TBX6: variants seen among roughly 807,000 people sequenced by gnomAD.
TBX6 encodes the protein T-box transcription factor TBX6.
A neutral mutation model predicts 42.3 loss-of-function variants in TBX6; 29 were observed. That is an observed-to-expected ratio of 0.69 (90% CI 0.51 to 0.93). The LOEUF (loss-of-function observed/expected upper bound fraction) is 0.93, where lower values mean the gene tolerates loss of function less well. Among genes scored for constraint, TBX6 ranks in the 40% least tolerant of loss-of-function variants. The probability of loss-of-function intolerance (pLI) is 0.00; values close to 1 mark genes in which losing one functional copy is unlikely to be tolerated. For synonymous variants in TBX6, 249 were observed against 245.1 expected (o/e 1.02, Z -0.15); for missense variants, 569 against 603.3 (o/e 0.94, Z 0.59).
chr16:30,088,554 T>C lies in TBX6; in HGVS notation c.830A>G (p.Asn277Ser), dbSNP rs760920686. ...FAKGFRENGR[N>S]CKRERDARVK... ...AATGAACAACTCCCACCTCTTACAG[T>C]TTCTGCCGTTCTCCCGGAAGCCTTT... The change falls in exon 6 of 9, where the codon AAC becomes AGC. Residue 277 changes from asparagine (N) to serine (S), a missense_variant. Physicochemically the swap from Asn to Ser is conservative, Grantham distance 46. Transcript: ENST00000395224. This position sits in a 1 kb window ranked among gnomAD's most constrained non-coding sequence, Gnocchi z 4.1. 1.2e-6 allele frequency: 2 copies of C among 1,614,200 alleles called. No individual in the cohort carries two copies. Among genetic ancestry groups the C allele is most frequent in the Non-Finnish European group, 8.5e-7 (1 of 1,180,036 alleles).
At position 30,088,827 on chromosome 16, in the gene TBX6, A is replaced by C. The variant is rs1290566254; in HGVS notation, c.634T>G (p.Ser212Ala). The change falls in exon 5 of 9, where the codon TCC (serine) becomes GCC (alanine). Residue 212 changes from serine to alanine, a missense_variant. By Grantham distance (99) the Ser-to-Ala change is moderately conservative. Around this residue, in one of 3 missense-constraint regions of TBX6, gnomAD observed 190 missense variants for 250.6 expected, o/e 0.76. Transcript: ENST00000395224. The surrounding 1 kb of genome is among the most constrained non-coding windows in gnomAD (Gnocchi z 4.1). ...LDPHGHLILH[S>A]MHKYQPRIHL... ...ATGCGGGGTTGGTACTTGTGCATGG[A>C]GTGCAGGATCAGCTGGGAGGGAGGA... 1 of 1,613,966 alleles carries C rather than the reference A, an allele frequency of 6.2e-7. No homozygotes were observed. Among genetic ancestry groups the C allele is most frequent in the Non-Finnish European group, 8.5e-7 (1 of 1,179,896 alleles).
Position 30,091,094 on chromosome 16 carries a change from C to A in TBX6, c.100G>T (p.Glu34Ter). The A allele has an allele frequency of 6.3e-7, 1 of 1,584,022 alleles. No individual in the cohort carries two copies. The highest frequency in any genetic ancestry group is 8.6e-7 in the Non-Finnish European group (1 of 1,165,816). ...ADSSFPPALA[E>*]GYRYPELDTP... The stretch of plus-strand genomic sequence containing the variant: ...CGCTCACCGGGGTAGCGGTAGCCCT[C>A]CGCTAGGGCGGGTGGGAAGCTGGAG... Residue 34 changes from glutamate to a stop codon, truncating the protein, a stop_gained, in exon 2 of 9, where the codon GAG (glutamate) becomes TAG (stop). Transcript: ENST00000395224. LOFTEE classifies it high-confidence loss of function.
At chr16:30,091,556 C>A in intron 1 of TBX6, 1 of 208,738 alleles carries the variant, frequency 4.8e-6, no homozygotes, top group Non-Finnish European at 9.8e-6. Context: ...GGTGGGGAGC[C>A]CCGGCTAGGG....
chr16:30,086,259 C>T lies in TBX6; in HGVS notation c.1277G>A (p.Gly426Asp), dbSNP rs764233509. Residue 426 changes from glycine (G) to aspartate (D), a missense_variant, in exon 9 of 9, where the codon GGC (glycine) becomes GAC (aspartate). Transcript: ENST00000395224. The surrounding 1 kb of genome is among the most constrained non-coding windows in gnomAD (Gnocchi z 4.6). Reference protein sequence around the residue: ...PFPLPYTAPGGYLDVGSKPMY With the variant: ...PFPLPYTAPGDYLDVGSKPMY ...GGGTTTGGAGCCCACATCCAGATAG[C>T]CCCCAGGCGCGGTGTATGGTAGAGG... 6.2e-7 allele frequency: 1 copy of T among 1,611,864 alleles called. No homozygotes were observed. Among genetic ancestry groups the T allele is most frequent in the South Asian group, 1.1e-5 (1 of 90,962 alleles).
At position 30,086,870 on chromosome 16, in the gene TBX6, GAT is replaced by G; in HGVS notation, c.840-21_840-20del. On this transcript the variant is annotated intron_variant, in intron 6 of 8. Transcript: ENST00000395224. The surrounding 1 kb of genome is among the most constrained non-coding windows in gnomAD (Gnocchi z 4.6). ...TCGCTCCCTGGGGAACAGTGGTGGT[GAT>G]GATGATGATGATGGTGATGGCCATG... 2.6e-5 allele frequency: 16 copies of G among 612,592 alleles called. No individual in the cohort carries two copies. Among genetic ancestry groups the G allele is most frequent in the East Asian group, 1.0e-4 (2 of 19,634 alleles). 37.9% of individuals were successfully genotyped at this position (612,592 alleles called of 1,614,324 possible).
Position 30,086,337 on chromosome 16 carries a change from G to T in TBX6, c.1199C>A (p.Ala400Glu), listed in dbSNP as rs753380518. 3.7e-6 allele frequency: 6 copies of T among 1,603,768 alleles called. No homozygotes were observed. The highest frequency in any genetic ancestry group is 5.1e-6 in the Non-Finnish European group (6 of 1,176,972). Residue 400 changes from alanine (A) to glutamate (E), a missense_variant, in exon 9 of 9, where the codon GCG becomes GAG. Physicochemically the swap from Ala to Glu is moderately radical, Grantham distance 107. Around this residue, in one of 3 missense-constraint regions of TBX6, gnomAD observed 245 missense variants for 227.4 expected, o/e 1.08. Transcript: ENST00000395224. This position sits in a 1 kb window ranked among gnomAD's most constrained non-coding sequence, Gnocchi z 4.6. ...PHGSGGSGYP[A>E]APPAVPFAPH... The stretch of plus-strand genomic sequence containing the variant: ...GGCAAAGGGTACCGCCGGTGGAGCC[G>T]CTGGGTACCCGGAGCCCCCTGACCC...
chr16:30,087,104 C>T (rs1393964447), intron 6 of TBX6, among the ~76,000 whole-genome samples: 1 of 152,208 alleles, frequency 6.6e-6, no homozygotes, highest in Non-Finnish European at 1.5e-5. Context: ...GAAACTCCTT[C>T]CCAGTGGCAA....
At position 30,086,176 on chromosome 16, in the gene TBX6, G is replaced by A. The variant is rs1234085987; in HGVS notation, c.*49C>T. 4 of 1,591,712 alleles carry A rather than the reference G, an allele frequency of 2.5e-6. No individual in the cohort carries two copies. Among genetic ancestry groups the A allele is most frequent in the African/African-American group, 2.7e-5 (2 of 73,754 alleles). On this transcript the variant is annotated 3_prime_UTR_variant, in exon 9 of 9. Transcript: ENST00000395224. The surrounding 1 kb of genome is among the most constrained non-coding windows in gnomAD (Gnocchi z 4.6). The stretch of plus-strand genomic sequence containing the variant: ...GAGGTGAGGGGGCTCCAGGGCTGGG[G>A]GAAGGGAGCGGGAGGTTTGTGATGG...
In TBX6 at chr16:30,086,276, T is replaced by C. The variant is rs544830919; in HGVS notation, c.1260A>G (p.Pro420=). ...CCAGATAGCCCCCAGGCGCGGTGTA[T>C]GGTAGAGGGAAGGGGCCCCCTTGGA... The part of the protein sequence containing the change: ...HFLQGGPFPL[P]YTAPGGYLDV... Residue 420 remains proline, a synonymous_variant, in exon 9 of 9, where the codon CCA becomes CCG. Coordinates refer to ENST00000395224, the MANE Select transcript of TBX6 (RefSeq NM_004608.4). This position sits in a 1 kb window ranked among gnomAD's most constrained non-coding sequence, Gnocchi z 4.6. The C allele has an allele frequency of 2.5e-6, 4 of 1,611,788 alleles. No homozygotes were observed. The South Asian group carries it at 3.3e-5, about 13-fold the overall frequency.
rs1596852783 is a variant in TBX6, at chr16:30,089,055, T to G, written c.509A>C (p.Asp170Ala). The G allele has an allele frequency of 6.2e-7, 1 of 1,613,836 alleles. No individual in the cohort carries two copies. Among genetic ancestry groups the G allele is most frequent in the Non-Finnish European group, 8.5e-7 (1 of 1,179,982 alleles). The change falls in exon 4 of 9, where the codon GAC becomes GCC. Residue 170 changes from aspartate (D) to alanine (A), a missense_variant. Physicochemically the swap from Asp to Ala is moderately radical, Grantham distance 126 (BLOSUM62 -2). Coordinates refer to ENST00000395224, the MANE Select transcript of TBX6 (RefSeq NM_004608.4). ...AGAGTCGGGGTGAATGTAGACACGG[T>G]CAGGCAGGCGGGGCTCTGCCTTGCC... ...PSGKAEPRLP[D>A]RVYIHPDSPA... is the part of the protein sequence containing the mutation.
At chr16:30,090,611 T>A (rs2072706065) in intron 3 of TBX6, 147 bp downstream of exon 3, 1 of 783,676 alleles carries the variant, frequency 1.3e-6, no homozygotes, top group African/African-American at 1.8e-5. Flanking sequence ...TGCCACAGAG[T>A]AACCCTTGCC....
rs2151032604 is a variant in TBX6 at position 30,088,860 on chromosome 16, G to A, written c.622-21C>T. On this transcript the variant is annotated intron_variant, in intron 4 of 8. Coordinates refer to ENST00000395224, the MANE Select transcript of TBX6 (RefSeq NM_004608.4). This position sits in a 1 kb window ranked among gnomAD's most constrained non-coding sequence, Gnocchi z 4.1. ...ATCAGCTGGGAGGGAGGAAATGGGA[G>A]TGATTCCCTGCCCTGCGCCTCACCC... The A allele has an allele frequency of 6.2e-7, 1 of 1,611,894 alleles. No individual in the cohort carries two copies. Among genetic ancestry groups the A allele is most frequent in the Non-Finnish European group, 8.5e-7 (1 of 1,178,220 alleles).
rs2072619497 is a variant in TBX6, at chr16:30,085,987, CGGAGGTGAGA to C, written c.*228_*237del. 1.9e-6 allele frequency: 1 copy of C among 520,556 alleles called. No individual in the cohort carries two copies. Among genetic ancestry groups the C allele is most frequent in the Non-Finnish European group, 3.4e-6 (1 of 296,550 alleles). 32.2% of individuals were successfully genotyped at this position (520,556 alleles called of 1,614,324 possible). On this transcript the variant is annotated 3_prime_UTR_variant, in exon 9 of 9. Transcript: ENST00000395224. ...CCAGGCAGAGCCCCTTCCATTCACACGGAGGTGAGAGCCGGGAAGGGGAAGCCGGCCCCAG... is the reference window on the plus strand; with the variant it reads ...CCAGGCAGAGCCCCTTCCATTCACACGCCGGGAAGGGGAAGCCGGCCCCAG...
At chr16:30,087,771 ACTTCCTTCAGCT>A (rs1408437828) in intron 6 of TBX6, 1 of 151,834 alleles carries the variant, frequency 6.6e-6, no homozygotes, top group Admixed American at 6.6e-5. Flanking sequence ...TCCCTCCCGT[ACTTCCTTCAGCT>A]CTTTCTCAAG....
chr16:30,086,182 G>T lies in TBX6; in HGVS notation c.*43C>A. 1 of 1,599,742 alleles carries T rather than the reference G, an allele frequency of 6.3e-7. No individual in the cohort carries two copies. ...AGGGGGCTCCAGGGCTGGGGGAAGG[G>T]AGCGGGAGGTTTGTGATGGAGGCAG... On this transcript the variant is annotated 3_prime_UTR_variant, in exon 9 of 9. Transcript: ENST00000395224. The surrounding 1 kb of genome is among the most constrained non-coding windows in gnomAD (Gnocchi z 4.6).
At position 30,086,876 on chromosome 16, in the gene TBX6, G is replaced by T; in HGVS notation, c.840-25C>A. On this transcript the variant is annotated intron_variant, in intron 6 of 8. Transcript: ENST00000395224. The surrounding 1 kb of genome is among the most constrained non-coding windows in gnomAD (Gnocchi z 4.6). ...CCTGGGGAACAGTGGTGGTGATGAT[G>T]ATGATGATGGTGATGGCCATGGTGA... is the stretch of plus-strand genomic sequence containing the variant. 6.2e-7 allele frequency: 1 copy of T among 1,604,086 alleles called. No individual in the cohort carries two copies. Among genetic ancestry groups the T allele is most frequent in the Non-Finnish European group, 8.5e-7 (1 of 1,176,170 alleles).
chr16:30,087,607 C>T (rs1355476720), intron 6 of TBX6, among the ~76,000 whole-genome samples: 1 of 152,196 alleles, frequency 6.6e-6, no homozygotes, highest in Non-Finnish European at 1.5e-5. Flanking sequence ...CACGGCCTTA[C>T]GGAACCTTTA....
chr16:30,088,308 C>G lies in TBX6; in HGVS notation c.839+237G>C. ...TTTCTCTTGTCTGCTTGTCTACTCT[C>G]CCCACTAGAAATCAGCTGCATGAGG... is the stretch of plus-strand genomic sequence containing the variant. On this transcript the variant is annotated intron_variant, in intron 6 of 8. Coordinates refer to ENST00000395224, the MANE Select transcript of TBX6 (RefSeq NM_004608.4). This position sits in a 1 kb window ranked among gnomAD's most constrained non-coding sequence, Gnocchi z 4.1. 2 of 589,076 alleles carry G rather than the reference C, an allele frequency of 3.4e-6. No homozygotes were observed. The highest frequency in any genetic ancestry group is 2.8e-5 in the Admixed American group (1 of 35,284). The allele number at this position is 589,076 out of a possible 1,614,324, so 36.5% of individuals were successfully genotyped here. A position where few individuals can be genotyped will look rare whatever the true frequency, so the allele number is the denominator to read the frequency against.
chr16:30,088,359 G>A lies in TBX6; in HGVS notation c.839+186C>T, dbSNP rs2072670749. On this transcript the variant is annotated intron_variant, in intron 6 of 8. Transcript: ENST00000395224. The surrounding 1 kb of genome is among the most constrained non-coding windows in gnomAD (Gnocchi z 4.1). ...GCCGGGGCTTTGGTTTGCTTTGTTT[G>A]TTTTATCTCCAGTGCCTGGAACTGT... 1.2e-6 allele frequency: 1 copy of A among 830,120 alleles called. No homozygotes were observed. Among genetic ancestry groups the A allele is most frequent in the African/African-American group, 1.7e-5 (1 of 59,002 alleles). The allele number at this position is 830,120 out of a possible 1,614,324, so 51.4% of individuals were successfully genotyped here.
Sources: allele counts gnomAD v4.1 joint callset (sites outside exome capture counted in the v4.1 genomes callset), GRCh38; gene constraint gnomAD v4.1.1; regional missense constraint gnomAD v4.1.1; non-coding constraint Gnocchi (gnomAD v3.1); transcripts MANE v1.5; gene names NCBI Gene and HGNC (gene_info 2026-07-23, HGNC 2026-07-21).